Variants in GNLY observed in about 807,000 individuals in gnomAD.
The protein encoded by GNLY is granulysin.
In GNLY, 15 loss-of-function variants were observed where a neutral mutation model predicts 18.5. The observed-to-expected ratio is 0.81, with a 90% CI of 0.54 to 1.25. GNLY has a LOEUF of 1.25. GNLY is among the 50% of genes most tolerant of loss of function. The pLI is 0.00. For missense variants in GNLY, 178 were observed against 186.9 expected (o/e 0.95, Z 0.28); for synonymous variants, 77 against 74.9 (o/e 1.03, Z -0.14).
In GNLY at chr2:85,694,564, A is replaced by T. The variant is rs1678359429; in HGVS notation, c.52+94A>T. On this transcript the variant is annotated intron_variant, in intron 1 of 4. Transcript: ENST00000263863. ...TGGAGCTTGGACTCTGTGGGCACCC[A>T]GGTGCCCCTGCCTCCCCCCGGCCTT... The T allele has an allele frequency of 3.1e-6, 4 of 1,283,922 alleles. No individual in the cohort carries two copies. In the South Asian group the frequency reaches 3.8e-5, roughly 12 times the overall value. 79.5% of individuals were successfully genotyped at this position (1,283,922 alleles called of 1,614,324 possible).
Position 85,695,360 on chromosome 2 carries a change from G to GC in GNLY, c.93_94insC (p.Ala32ArgfsTer7). ...GTCTGAGCCCTGAGTACTACGACCTGGCAAGAGCCCACCTGCGTGATGAGG... is the reference window on the plus strand; with the variant it reads ...GTCTGAGCCCTGAGTACTACGACCTGCGCAAGAGCCCACCTGCGTGATGAGG... On this transcript the variant is annotated frameshift_variant, in exon 2 of 5. Coordinates refer to ENST00000263863, the MANE Select transcript of GNLY (RefSeq NM_006433.5). LOFTEE classifies it high-confidence loss of function. 6.2e-7 allele frequency: 1 copy of GC among 1,613,924 alleles called. No homozygotes were observed. Among genetic ancestry groups the GC allele is most frequent in the East Asian group, 2.2e-5 (1 of 44,880 alleles).
At chr2:85,695,461 C>T in intron 2 of GNLY, 38 bp downstream of exon 2, 1 of 1,201,758 alleles carries the variant, frequency 8.3e-7, no homozygotes, top group Admixed American at 1.7e-5. Flanking sequence ...CACAGTCCCT[C>T]TCCTTTCCCT....
chr2:85,698,255 G>A, intron 4 of GNLY: 1 of 606,124 alleles, frequency 1.6e-6, no homozygotes, highest in South Asian at 1.6e-5. Flanking sequence ...GATCTCGGCT[G>A]TAGGAAATGG....
At chr2:85,695,074 G>C (rs1474065766) in intron 1 of GNLY, 1 of 1,342,794 alleles carries the variant, frequency 7.4e-7, no homozygotes, top group Non-Finnish European at 1.0e-6. Context: ...TGTTGCTGGG[G>C]GAACAGAGGA....
At chr2:85,696,186 A>C (rs75718542) in intron 3 of GNLY, 130 bp downstream of exon 3, 45,544 of 612,754 alleles carry the variant, frequency 0.074, 1,931 homozygotes, top group Middle Eastern at 0.089. Context: ...CCTAGAAGGG[A>C]ATCTGTGAGT....
chr2:85,695,047 A>C, intron 1 of GNLY: 3 of 1,515,744 alleles, frequency 2.0e-6, no homozygotes, highest in Non-Finnish European at 2.7e-6. Context: ...TTCTAGACAA[A>C]CCGACCCCCA....
At chr2:85,697,298 G>A in intron 3 of GNLY, 2 of 569,374 alleles carry the variant, frequency 3.5e-6, no homozygotes, top group Non-Finnish European at 6.3e-6. Context: ...CCTTGTCTCA[G>A]GAGCCCTACC....
chr2:85,698,570 T>C lies in GNLY; in HGVS notation c.434T>C (p.Leu145Pro), dbSNP rs1216992366. 6.2e-7 allele frequency: 1 copy of C among 1,613,364 alleles called. No homozygotes were observed. The highest frequency in any genetic ancestry group is 8.5e-7 in the Non-Finnish European group (1 of 1,179,500). The change falls in exon 5 of 5, where the codon CTC becomes CCC. Residue 145 changes from leucine to proline, a missense_variant. Coordinates refer to ENST00000263863, the MANE Select transcript of GNLY (RefSeq NM_006433.5). ...GCTGTTCTCTCCTCTCCAGGTCCCC[T>C]CTGAGCCCTCTCACCTTGTCCTGTG... ...LRLCIPSTGPL is the reference protein window; with the variant it reads ...LRLCIPSTGPP
At chr2:85,696,228 C>G (rs1007744253) in intron 3 of GNLY, 172 bp downstream of exon 3, 2 of 594,618 alleles carry the variant, frequency 3.4e-6, no homozygotes, top group Non-Finnish European at 3.0e-6. Context: ...TTTCAGAGAA[C>G]TTGTGAAATT....
chr2:85,694,982 C>A, intron 1 of GNLY: 1 of 1,592,036 alleles, frequency 6.3e-7, no homozygotes, highest in Non-Finnish European at 8.5e-7. Flanking sequence ...TTTGGCTGGG[C>A]CATCTGGATG....
chr2:85,694,936 C>A, intron 1 of GNLY: 1 of 1,581,302 alleles, frequency 6.3e-7, no homozygotes. Flanking sequence ...CAGTGTGAGC[C>A]CCAAGGGCAA....
chr2:85,695,629 G>C (rs1678413296), intron 2 of GNLY, among the ~76,000 whole-genome samples: 1 of 152,188 alleles, frequency 6.6e-6, no homozygotes, highest in Non-Finnish European at 1.5e-5. Flanking sequence ...GGATCCTCTG[G>C]GGTCTCACCC....
chr2:85,694,648 C>T, intron 1 of GNLY, 178 bp downstream of exon 1: 1 of 1,114,296 alleles, frequency 9.0e-7, no homozygotes. Context: ...AGTGTGCTGC[C>T]CAGCCTGTCA....
chr2:85,696,135 A>G, intron 3 of GNLY, 79 bp downstream of exon 3: 1 of 780,076 alleles, frequency 1.3e-6, no homozygotes, highest in Non-Finnish European at 2.2e-6. Flanking sequence ...GGGATCGGGG[A>G]GCCCGGGGGC....
chr2:85,698,220 G>T (rs1316800845), intron 4 of GNLY, among the ~76,000 whole-genome samples: 1 of 152,252 alleles, frequency 6.6e-6, no homozygotes, highest in African/African-American at 2.4e-5. Flanking sequence ...CTCCATGGCT[G>T]CCCAGGCTGT....
chr2:85,695,489 G>A, intron 2 of GNLY, 66 bp downstream of exon 2: 1 of 943,672 alleles, frequency 1.1e-6, no homozygotes, highest in Non-Finnish European at 1.7e-6. Context: ...GGTGGCTCCT[G>A]GGGTGAGGTC....
At chr2:85,696,433 C>T in intron 3 of GNLY, 1 of 187,726 alleles carries the variant, frequency 5.3e-6, no homozygotes, top group Non-Finnish European at 1.1e-5. Flanking sequence ...TCTGCTACTT[C>T]CAAGCTGCAT....
intron 1 of GNLY, 76 bp downstream of exon 1, chr2:85,694,546 T>C: frequency 6.9e-7 from 1 of 1,447,846 alleles, no homozygotes; most frequent in Non-Finnish European, 9.6e-7. Context: ...ACCTGGAGCT[T>C]GGACTCTGTG....
Position 85,695,421 on chromosome 2 carries a change from C to G in GNLY, c.154C>G (p.Gln52Glu), listed in dbSNP as rs201961449. 15 of 1,586,572 alleles carry G rather than the reference C, an allele frequency of 9.5e-6. No homozygotes were observed. The East Asian group carries it at 3.3e-4, about 35-fold the overall frequency. Residue 52 changes from glutamine (Q) to glutamate (E), a missense_variant and splice_region_variant, in exon 2 of 5, where the codon CAG becomes GAG. By Grantham distance (29) the Gln-to-Glu change is conservative. Transcript: ENST00000263863. ...CCCGTGCCTGGCCCAGGAGGGCCCC[C>G]AGGTACGTGTTGGCTCTCTGCTCAC... The part of the protein sequence containing the change: ...SCPCLAQEGP[Q>E]GDLLTKTQEL...
Sources: allele counts gnomAD v4.1 joint callset (sites outside exome capture counted in the v4.1 genomes callset), GRCh38; gene constraint gnomAD v4.1.1; transcripts MANE v1.5; gene names NCBI Gene and HGNC (gene_info 2026-07-23, HGNC 2026-07-21).